Variants in SGCD observed in about 807,000 individuals in gnomAD.
SGCD encodes delta-sarcoglycan.
A neutral mutation model predicts 36.6 loss-of-function variants in SGCD; 18 were observed. That is an observed-to-expected ratio of 0.49 (90% CI 0.34 to 0.73). SGCD has a LOEUF of 0.73. SGCD is among the 30% of genes least tolerant of loss of function. The pLI is 0.01. For synonymous variants in SGCD, 133 were observed against 130.6 expected, an observed-to-expected ratio of 1.02 and a Z score of -0.12; for missense variants, 387 against 346.7, an observed-to-expected ratio of 1.12 and a Z score of -0.92.
intron 3 of SGCD, among the ~76,000 whole-genome samples, chr5:156,318,797 C>T (rs138403331): frequency 3.5e-3 from 538 of 152,090 alleles, no homozygotes; most frequent in African/African-American, 0.012. Flanking sequence ...GGTTTCACCA[C>T]GTTGGCCAGG....
At chr5:156,545,728 G>T (rs546079906) in intron 4 of SGCD, among the ~76,000 whole-genome samples, 2 of 152,100 alleles carry the variant, frequency 1.3e-5, no homozygotes, top group Non-Finnish European at 2.9e-5. Flanking sequence ...ACCCGTCTTC[G>T]GCCTGGGGGT....
intron 1 of SGCD, among the ~76,000 whole-genome samples, chr5:155,918,774 T>C (rs1449356377): frequency 6.6e-6 from 1 of 152,226 alleles, no homozygotes; most frequent in African/African-American, 2.4e-5. Flanking sequence ...GATCCAGTTT[T>C]TCTCTCAGAC....
At chr5:156,603,306 TTTTA>T (rs1372636606) in intron 6 of SGCD, among the ~76,000 whole-genome samples, 1 of 152,082 alleles carries the variant, frequency 6.6e-6, no homozygotes, top group African/African-American at 2.4e-5. Context: ...TTATTTTAGA[TTTTA>T]TTTGAGTCTT....
At chr5:156,482,838 T>A (rs998317670) in intron 3 of SGCD, among the ~76,000 whole-genome samples, 1 of 146,860 alleles carries the variant, frequency 6.8e-6, no homozygotes, top group East Asian at 2.0e-4. Context: ...TTTTTTTTTT[T>A]AAGTAAGCTG....
intron 7 of SGCD, among the ~76,000 whole-genome samples, chr5:156,710,769 G>A (rs1754953617): frequency 6.6e-6 from 1 of 152,174 alleles, no homozygotes; most frequent in South Asian, 2.1e-4. Flanking sequence ...AGTCTCATAG[G>A]TGGTCATCTT....
At chr5:155,902,693 T>C (rs1275027622) in intron 1 of SGCD, among the ~76,000 whole-genome samples, 3 of 152,210 alleles carry the variant, frequency 2.0e-5, no homozygotes, top group Non-Finnish European at 4.4e-5. Flanking sequence ...ATGGGACTAT[T>C]ATCAAGATTA....
intron 7 of SGCD, among the ~76,000 whole-genome samples, chr5:156,730,211 A>C (rs553925082): frequency 5.1e-4 from 78 of 152,294 alleles, no homozygotes; most frequent in African/African-American, 1.7e-3. Context: ...GTCAGACCCT[A>C]GATTCTGTGC....
chr5:155,840,443 T>TA, the SGCD span, among the ~76,000 whole-genome samples: 2 of 150,176 alleles, frequency 1.3e-5, no homozygotes, highest in Admixed American at 1.3e-4. Flanking sequence ...TTAGTATTTT[T>TA]GTATTTTTTT....
intron 4 of SGCD, among the ~76,000 whole-genome samples, chr5:156,532,383 T>C (rs1757922655): frequency 6.6e-6 from 1 of 152,220 alleles, no homozygotes; most frequent in Admixed American, 6.5e-5. Context: ...TGAATTTGAA[T>C]CCAAATACCA....
the SGCD span, among the ~76,000 whole-genome samples, chr5:155,835,223 G>T: frequency 2.0e-5 from 3 of 151,720 alleles, no homozygotes; most frequent in African/African-American, 4.8e-5. Flanking sequence ...GGCCAGGCTG[G>T]TCTCAAACTC....
At chr5:156,322,974 C>T (rs1213820010), upstream of SGCD, among the ~76,000 whole-genome samples, 1 of 152,202 alleles carries the variant, frequency 6.6e-6, no homozygotes, top group Non-Finnish European at 1.5e-5. Flanking sequence ...ATACTGTTGC[C>T]TGGTGGCCAT....
chr5:156,188,485 G>A (rs1376598022), intron 3 of SGCD, among the ~76,000 whole-genome samples: 1 of 152,160 alleles, frequency 6.6e-6, no homozygotes, highest in Non-Finnish European at 1.5e-5. Context: ...AAATATAGCA[G>A]TAGTGGTGAC....
chr5:156,261,589 C>T (rs1581202806), intron 3 of SGCD, among the ~76,000 whole-genome samples: 2 of 152,146 alleles, frequency 1.3e-5, no homozygotes, highest in East Asian at 3.8e-4. Flanking sequence ...ATACTATATA[C>T]TTTTTATCAT....
the SGCD span, among the ~76,000 whole-genome samples, chr5:155,840,208 A>C: frequency 6.6e-6 from 1 of 150,758 alleles, no homozygotes; most frequent in Non-Finnish European, 1.5e-5. Flanking sequence ...GTGTCCCTTG[A>C]CACATCCTCC....
intron 3 of SGCD, among the ~76,000 whole-genome samples, chr5:156,173,441 T>C (rs559300319): frequency 1.9e-3 from 287 of 152,104 alleles, no homozygotes; most frequent in Non-Finnish European, 2.6e-3. Context: ...TTAACAAAAA[T>C]ACATGAAAGA....
chr5:156,056,152 CAG>C (rs1760050021), intron 1 of SGCD, among the ~76,000 whole-genome samples: 1 of 145,912 alleles, frequency 6.9e-6, no homozygotes, highest in Non-Finnish European at 1.5e-5. Flanking sequence ...ATAACAATGA[CAG>C]AGATCTGACC....
chr5:156,519,724 C>CA (rs1156763562), intron 4 of SGCD, among the ~76,000 whole-genome samples: 3 of 152,010 alleles, frequency 2.0e-5, no homozygotes, highest in African/African-American at 7.2e-5. Context: ...ATATGCAAAT[C>CA]AAAAAATATA....
intron 3 of SGCD, among the ~76,000 whole-genome samples, chr5:156,237,299 G>C (rs186319074): frequency 7.4e-4 from 113 of 152,172 alleles, no homozygotes; most frequent in African/African-American, 2.4e-3. Context: ...TATATGTCCT[G>C]TAAACTAAAG....
Position 156,170,447 on chromosome 5 carries a change from G to A in SGCD, c.-44+46428G>A, listed in dbSNP as rs540263278. Among the ~76,000 whole-genome samples, 4 of 152,294 alleles carry A rather than the reference G, an allele frequency of 2.6e-5. No individual in the cohort carries two copies. In the South Asian group the frequency reaches 8.3e-4, roughly 32 times the overall value. On this transcript the variant is annotated intron_variant, in intron 3 of 9. Transcript: ENST00000517913. Reference sequence around the variant, plus strand: ...TTGGCAGTGTGTCTAGGCATAGAAAGTTACCTTAACATGAATGTTACCACT... The same window carrying A: ...TTGGCAGTGTGTCTAGGCATAGAAAATTACCTTAACATGAATGTTACCACT...
Sources: gnomAD v4.1 joint callset for allele counts (sites outside exome capture counted in the v4.1 genomes callset) on GRCh38, gnomAD v4.1.1 for gene constraint, MANE v1.5 for transcripts, NCBI Gene and HGNC (gene_info 2026-07-23, HGNC 2026-07-21) for gene names.